WNT2: variants seen among roughly 807,000 people sequenced by gnomAD.
The protein encoded by WNT2 is Wnt family member 2.
A neutral mutation model predicts 36.9 loss-of-function variants in WNT2; 12 were observed. The ratio of observed to expected loss-of-function variants is 0.33; its 90% CI spans 0.21 to 0.53. WNT2 has a LOEUF of 0.53. WNT2 is among the 20% of genes least tolerant of loss of function. WNT2 has a pLI of 0.95. For missense variants in WNT2, 379 were observed against 473.1 expected (o/e 0.80, Z 1.84); for synonymous variants, 163 against 174.6 (o/e 0.93, Z 0.52).
At chr7:117,321,899 C>A (rs892002702) in intron 1 of WNT2, among the ~76,000 whole-genome samples, 4 of 152,228 alleles carry the variant, frequency 2.6e-5, no homozygotes, top group African/African-American at 9.6e-5. Context: ...CCCATCAGCG[C>A]ATTGCCTTGC....
At chr7:117,314,850 G>T (rs1305507780) in intron 3 of WNT2, among the ~76,000 whole-genome samples, 1 of 152,188 alleles carries the variant, frequency 6.6e-6, no homozygotes, top group African/African-American at 2.4e-5. Context: ...ACAATGGGTG[G>T]ACTCCTTCAA....
In WNT2 at chr7:117,297,523, G is replaced by T. The variant is rs1794815635; in HGVS notation, c.853+89C>A. The T allele has an allele frequency of 2.7e-6, 4 of 1,463,972 alleles. No homozygotes were observed. In the African/African-American group the frequency reaches 4.2e-5, roughly 15 times the overall value. The allele number at this position is 1,463,972 out of a possible 1,614,324, so 90.7% of individuals were successfully genotyped here. A position where few individuals can be genotyped will look rare whatever the true frequency, so the allele number is the denominator to read the frequency against. Reference sequence around the variant, plus strand: ...ATCGTGAGCTTTGAACCTAAAGAGAGCAGGCTGAAAATACAGAACCTCATT... The same window carrying T: ...ATCGTGAGCTTTGAACCTAAAGAGATCAGGCTGAAAATACAGAACCTCATT... On this transcript the variant is annotated intron_variant, in intron 4 of 4. Transcript: ENST00000265441.
chr7:117,279,188 AT>A (rs1794437250), intron 4 of WNT2, among the ~76,000 whole-genome samples: 1 of 152,248 alleles, frequency 6.6e-6, no homozygotes, highest in Non-Finnish European at 1.5e-5. Context: ...CTGAAAAATA[AT>A]TTTAAAGCTA....
At position 117,278,363 on chromosome 7, in the gene WNT2, C is replaced by T. The variant is rs1563196796; in HGVS notation, c.875G>A (p.Arg292His). 12 of 1,613,862 alleles carry T rather than the reference C, an allele frequency of 7.4e-6. No individual in the cohort carries two copies. The highest frequency in any genetic ancestry group is 2.2e-5 in the East Asian group (1 of 44,850). ...REAGSLGTAGRVCNLTSRGMD... is the reference protein window; with the variant it reads ...REAGSLGTAGHVCNLTSRGMD... ...GCCCCGGGAAGTCAGGTTGCACACA[C>T]GGCCTGCTGTACCCAGGGAGCCTGG... Residue 292 changes from arginine to histidine, a missense_variant, in exon 5 of 5, where the codon CGT becomes CAT. Arg to His is a conservative substitution (Grantham distance 29). Transcript: ENST00000265441.
intron 3 of WNT2, among the ~76,000 whole-genome samples, chr7:117,301,452 A>G (rs1404944087): frequency 6.6e-6 from 1 of 152,236 alleles, no homozygotes; most frequent in East Asian, 1.9e-4. Context: ...TTCCTAGTTT[A>G]GAGCAACTCC....
intron 4 of WNT2, among the ~76,000 whole-genome samples, chr7:117,280,847 G>GTGTT (rs1375074238): frequency 1.3e-5 from 2 of 152,248 alleles, no homozygotes; most frequent in African/African-American, 4.8e-5. Context: ...CATCTAGCAA[G>GTGTT]TGTTTATTGA....
At chr7:117,289,692 A>G (rs577399395) in intron 4 of WNT2, among the ~76,000 whole-genome samples, 2 of 152,358 alleles carry the variant, frequency 1.3e-5, no homozygotes, top group South Asian at 4.1e-4. Context: ...TTGGGGAACT[A>G]GTGAGCAAGG....
chr7:117,311,093 G>A (rs1795111945), intron 3 of WNT2, among the ~76,000 whole-genome samples: 1 of 152,192 alleles, frequency 6.6e-6, no homozygotes, highest in Admixed American at 6.5e-5. Flanking sequence ...AGCTCTGAAA[G>A]TTGCAGTGCT....
At chr7:117,288,888 A>G (rs1348770576) in intron 4 of WNT2, among the ~76,000 whole-genome samples, 1 of 152,068 alleles carries the variant, frequency 6.6e-6, no homozygotes, top group Non-Finnish European at 1.5e-5. Context: ...AGAGCATTGG[A>G]TGTGAAAAGT....
In WNT2 at chr7:117,284,602, G is replaced by C. The variant is rs1364655098; in HGVS notation, c.854-6218C>G. Among the ~76,000 whole-genome samples, 1 of 152,182 alleles carries C rather than the reference G, an allele frequency of 6.6e-6. No homozygotes were observed. The highest frequency in any genetic ancestry group is 1.5e-5 in the Non-Finnish European group (1 of 68,026). ...TTTCACATTTTCCAAGCTGAATGGA[G>C]TGAAAGTTCATTCATCCTTTCTCAC... is the stretch of plus-strand genomic sequence containing the variant. On this transcript the variant is annotated intron_variant, in intron 4 of 4. Transcript: ENST00000265441. The surrounding 1 kb of genome is among the most constrained non-coding windows in gnomAD (Gnocchi z 5.2).
chr7:117,275,845 C>A lies in WNT2; in HGVS notation c.*2310G>T, dbSNP rs56200779. On this transcript the variant is annotated 3_prime_UTR_variant, in exon 5 of 5. Coordinates refer to ENST00000265441, the MANE Select transcript of WNT2 (RefSeq NM_003391.3). The stretch of plus-strand genomic sequence containing the variant: ...TGCCACTTGCGATGGTTGCCATAAT[C>A]TCCCTTATGGATTAGGACAATTTAT... Among the ~76,000 whole-genome samples the A allele has an allele frequency of 9.6e-3, 1,456 of 152,340 alleles. 22 individuals carry two copies. The highest frequency in any genetic ancestry group is 0.033 in the African/African-American group (1,364 of 41,562).
chr7:117,292,456 CT>C (rs1482758607), intron 4 of WNT2, among the ~76,000 whole-genome samples: 35 of 152,274 alleles, frequency 2.3e-4, no homozygotes, highest in African/African-American at 7.7e-4. Flanking sequence ...AGGTAATTGC[CT>C]TGAAGAGTCA....
At chr7:117,283,591 G>A (rs1207827384) in intron 4 of WNT2, among the ~76,000 whole-genome samples, 13 of 152,190 alleles carry the variant, frequency 8.5e-5, no homozygotes, top group Admixed American at 8.5e-4. Context: ...AATGGTCATG[G>A]TGTCTTTTGT....
rs571202105 is a variant in WNT2, at chr7:117,284,953, C to T, written c.854-6569G>A. Among the ~76,000 whole-genome samples, 47 of 152,330 alleles carry T rather than the reference C, an allele frequency of 3.1e-4. No homozygotes were observed. Among genetic ancestry groups the T allele is most frequent in the African/African-American group, 1.0e-3 (43 of 41,570 alleles). ...CTGTAGAGCTCAAGCTCTTGACAGT[C>T]GTGACATTCTGACCCTTTGCCGAGT... On this transcript the variant is annotated intron_variant, in intron 4 of 4. Transcript: ENST00000265441. The surrounding 1 kb of genome is among the most constrained non-coding windows in gnomAD (Gnocchi z 5.2).
chr7:117,296,162 A>C (rs546800764), intron 4 of WNT2, among the ~76,000 whole-genome samples: 1 of 152,322 alleles, frequency 6.6e-6, no homozygotes, highest in South Asian at 2.1e-4. Context: ...CCTGTATCCA[A>C]GCACAGGTTT....
intron 3 of WNT2, among the ~76,000 whole-genome samples, chr7:117,299,675 T>C (rs1191729806): frequency 6.6e-6 from 1 of 152,006 alleles, no homozygotes; most frequent in Non-Finnish European, 1.5e-5. Context: ...AAAAATATTT[T>C]GTAGAGATGG....
At chr7:117,312,971 T>C (rs1349639903) in intron 3 of WNT2, among the ~76,000 whole-genome samples, 1 of 152,122 alleles carries the variant, frequency 6.6e-6, no homozygotes, top group East Asian at 1.9e-4. Context: ...GTTTAAAAAG[T>C]AGATGTTCAT....
At chr7:117,296,163 G>A (rs1239378140) in intron 4 of WNT2, among the ~76,000 whole-genome samples, 1 of 152,186 alleles carries the variant, frequency 6.6e-6, no homozygotes, top group African/African-American at 2.4e-5. Context: ...CTGTATCCAA[G>A]CACAGGTTTC....
chr7:117,289,498 G>C (rs1455401592), intron 4 of WNT2, among the ~76,000 whole-genome samples: 1 of 152,244 alleles, frequency 6.6e-6, no homozygotes, highest in Non-Finnish European at 1.5e-5. Context: ...TAGGCTGTGA[G>C]TTAAAAGCTA....
Sources: gnomAD v4.1 joint callset for allele counts (sites outside exome capture counted in the v4.1 genomes callset) on GRCh38, gnomAD v4.1.1 for gene constraint, Gnocchi (gnomAD v3.1) non-coding constraint, MANE v1.5 for transcripts, NCBI Gene and HGNC (gene_info 2026-07-23, HGNC 2026-07-21) for gene names.